The following PCDH9 variants were observed in gnomAD, a reference collection of about 807,000 sequenced individuals.
PCDH9 encodes protocadherin-9.
PCDH9 carries 24 observed loss-of-function variants against 70.6 expected under a neutral mutation model. That is an observed-to-expected ratio of 0.34 (90% CI 0.25 to 0.48). The LOEUF (loss-of-function observed/expected upper bound fraction) is 0.48. PCDH9 is among the 20% of genes least tolerant of loss of function. The pLI is 0.99. For missense variants in PCDH9, 1,281 were observed against 1,503.6 expected, an observed-to-expected ratio of 0.85 and a Z score of 2.45; for synonymous variants, 562 against 558.5, an observed-to-expected ratio of 1.01 and a Z score of -0.09.
intron 2 of PCDH9, chr13:67,213,443 G>T (rs930887260): frequency 1.3e-5 from 2 of 151,894 alleles, no homozygotes; most frequent in Non-Finnish European, 2.9e-5. Flanking sequence ...TTTAAAATGT[G>T]TTTAACATTT....
intron 2 of PCDH9, among the ~76,000 whole-genome samples, chr13:67,002,183 A>T (rs750367314): frequency 8.5e-5 from 13 of 152,162 alleles, no homozygotes; most frequent in Non-Finnish European, 1.8e-4. Flanking sequence ...AAATATAGAA[A>T]GCAGAGTAAT....
intron 3 of PCDH9, among the ~76,000 whole-genome samples, chr13:66,781,357 C>T (rs1365141969): frequency 6.6e-6 from 1 of 152,154 alleles, no homozygotes; most frequent in Non-Finnish European, 1.5e-5. Flanking sequence ...GGATTTAATC[C>T]AATTTTTAAT....
At chr13:67,072,975 A>T (rs906479775) in intron 2 of PCDH9, among the ~76,000 whole-genome samples, 1 of 152,208 alleles carries the variant, frequency 6.6e-6, no homozygotes, top group Non-Finnish European at 1.5e-5. Context: ...ATGGTTGACC[A>T]CATGCAGGAA....
intron 4 of PCDH9, among the ~76,000 whole-genome samples, chr13:66,310,624 T>A (rs1428474453): frequency 6.6e-6 from 1 of 152,072 alleles, no homozygotes; most frequent in African/African-American, 2.4e-5. Flanking sequence ...GCTATGGGAC[T>A]TTTTACATTT....
intron 2 of PCDH9, among the ~76,000 whole-genome samples, chr13:66,922,853 G>T (rs1347827103): frequency 2.0e-5 from 3 of 151,298 alleles, no homozygotes; most frequent in African/African-American, 7.3e-5. Flanking sequence ...ATCAAGTTTA[G>T]CTACTTTTTC....
chr13:66,655,899 A>G (rs1250040795), intron 3 of PCDH9, among the ~76,000 whole-genome samples: 2 of 152,170 alleles, frequency 1.3e-5, no homozygotes, highest in Non-Finnish European at 2.9e-5. Flanking sequence ...TTTTTATCCT[A>G]TTATAAGGAT....
At chr13:66,726,993 C>T (rs892654205) in intron 3 of PCDH9, among the ~76,000 whole-genome samples, 5 of 152,162 alleles carry the variant, frequency 3.3e-5, no homozygotes, top group African/African-American at 7.2e-5. Context: ...GGCAGTGGCT[C>T]ATGCGCATAA....
At chr13:66,334,557 G>A (rs1265002962) in intron 4 of PCDH9, among the ~76,000 whole-genome samples, 1 of 151,906 alleles carries the variant, frequency 6.6e-6, no homozygotes. Flanking sequence ...TCCATACAAA[G>A]TTTGGACTTG....
chr13:67,010,236 G>A (rs993519174), intron 2 of PCDH9, among the ~76,000 whole-genome samples: 1 of 151,870 alleles, frequency 6.6e-6, no homozygotes, highest in Non-Finnish European at 1.5e-5. Context: ...TAGAAATGTT[G>A]ATAAGTTCCT....
chr13:66,755,507 T>TGA (rs2079526380), intron 3 of PCDH9, among the ~76,000 whole-genome samples: 1 of 152,200 alleles, frequency 6.6e-6, no homozygotes, highest in African/African-American at 2.4e-5. Flanking sequence ...AATACTCTAC[T>TGA]GAGTCGAGGA....
intron 4 of PCDH9, among the ~76,000 whole-genome samples, chr13:66,385,324 C>A (rs1006177352): frequency 2.6e-5 from 4 of 152,042 alleles, no homozygotes; most frequent in Non-Finnish European, 5.9e-5. Context: ...GATAAATGAG[C>A]ATATTTTGTG....
intron 2 of PCDH9, among the ~76,000 whole-genome samples, chr13:66,950,923 G>A (rs2083168886): frequency 6.6e-6 from 1 of 151,950 alleles, no homozygotes; most frequent in Non-Finnish European, 1.5e-5. Context: ...CTGGTTGAAT[G>A]TGAATTTTCT....
At chr13:67,142,957 C>T (rs975229138) in intron 2 of PCDH9, among the ~76,000 whole-genome samples, 4 of 151,350 alleles carry the variant, frequency 2.6e-5, no homozygotes, top group East Asian at 3.9e-4. Context: ...TGCAGTGAGC[C>T]GAGATTGCAC....
chr13:66,737,349 A>C (rs145878065), intron 3 of PCDH9, among the ~76,000 whole-genome samples: 2 of 152,302 alleles, frequency 1.3e-5, no homozygotes, highest in African/African-American at 4.8e-5. Flanking sequence ...CTGGTTCTTG[A>C]AACTTTCTTT....
chr13:66,344,081 T>C (rs1033042534), intron 4 of PCDH9, among the ~76,000 whole-genome samples: 4 of 152,198 alleles, frequency 2.6e-5, no homozygotes, highest in African/African-American at 9.6e-5. Context: ...AGTGTAAGTA[T>C]CCTCATTAAT....
At chr13:66,633,098 T>A (rs1180870180) in intron 3 of PCDH9, among the ~76,000 whole-genome samples, 2 of 151,996 alleles carry the variant, frequency 1.3e-5, no homozygotes, top group Non-Finnish European at 2.9e-5. Context: ...CAATTCAGAG[T>A]CATAATGGAG....
chr13:66,760,204 A>G (rs570989584), intron 3 of PCDH9, among the ~76,000 whole-genome samples: 4 of 152,244 alleles, frequency 2.6e-5, no homozygotes, highest in Admixed American at 1.3e-4. Context: ...GTTTCTGTAG[A>G]GAAGTCCTCT....
At chr13:66,669,971 T>A (rs1261531977) in intron 3 of PCDH9, among the ~76,000 whole-genome samples, 6 of 152,188 alleles carry the variant, frequency 3.9e-5, no homozygotes, top group African/African-American at 1.4e-4. Context: ...CATAAAGAGC[T>A]TTGTGCACTT....
At chr13:67,189,935 C>T (rs1156887788) in intron 2 of PCDH9, among the ~76,000 whole-genome samples, 1 of 151,666 alleles carries the variant, frequency 6.6e-6, no homozygotes, top group African/African-American at 2.4e-5. Flanking sequence ...AGTTTTTAAA[C>T]AAAATAAAAC....
Sources: gnomAD v4.1 joint callset for allele counts (sites outside exome capture counted in the v4.1 genomes callset) on GRCh38, gnomAD v4.1.1 for gene constraint, MANE v1.5 for transcripts, NCBI Gene and HGNC (gene_info 2026-07-23, HGNC 2026-07-21) for gene names.